Variants in DAB1 observed in about 807,000 individuals in gnomAD.
DAB1 encodes disabled homolog 1.
A neutral mutation model predicts 64.6 loss-of-function variants in DAB1; 15 were observed. The observed-to-expected ratio is 0.23, with a 90% CI of 0.16 to 0.36. DAB1 has a LOEUF of 0.36. Ranked by LOEUF, DAB1 falls within the 10% of genes least tolerant of loss-of-function variation. The pLI is 1.00. For synonymous variants in DAB1, 235 were observed against 251.9 expected (o/e 0.93, Z 0.64); for missense variants, 596 against 706.7 (o/e 0.84, Z 1.78).
chr1:57,424,333 ACGAGCGAGCGAGCGAGCGAG>A (rs548471057), upstream of DAB1, among the ~76,000 whole-genome samples: 1 of 144,904 alleles, frequency 6.9e-6, no homozygotes, highest in East Asian at 2.4e-4. Context: ...AGGTGGAAGA[ACGAGCGAGCGAGCGAGCGAG>A]CGAGCGGGGG....
intron 3 of DAB1, among the ~76,000 whole-genome samples, chr1:58,470,153 TTTATTTTTATTTTTAA>T: frequency 9.3e-6 from 1 of 107,666 alleles, no homozygotes; most frequent in Non-Finnish European, 2.0e-5. Flanking sequence ...TATTTATTTA[TTTATTTTTATTTTTAA>T]TTTTATTTAT....
intron 4 of DAB1, among the ~76,000 whole-genome samples, chr1:58,193,984 C>T (rs902845771): frequency 6.6e-6 from 1 of 152,140 alleles, no homozygotes; most frequent in Non-Finnish European, 1.5e-5. Flanking sequence ...CCAGCCACTA[C>T]AATAAATGAA....
intron 7 of DAB1, among the ~76,000 whole-genome samples, chr1:57,576,117 T>G (rs970852103): frequency 6.6e-6 from 1 of 152,206 alleles, no homozygotes; most frequent in African/African-American, 2.4e-5. Context: ...CATTTTAGAT[T>G]TTGATCTTTT....
intron 6 of DAB1, among the ~76,000 whole-genome samples, chr1:57,656,107 T>C (rs1646315638): frequency 6.6e-6 from 1 of 152,172 alleles, no homozygotes; most frequent in African/African-American, 2.4e-5. Flanking sequence ...TCTCTCACTC[T>C]TTTTCTGCTG....
rs1334707349 is a variant in DAB1 at position 58,128,517 on chromosome 1, G to A, written n.387+21994C>T. 1.2e-3 allele frequency among the ~76,000 whole-genome samples: 153 copies of A among 132,852 alleles called. 5 individuals are homozygous for A. The highest frequency in any genetic ancestry group is 2.2e-3 in the African/African-American group (75 of 33,580). The allele number at this position is 132,852 out of a possible 152,430, so 87.2% of individuals were successfully genotyped here. ...TGTTGAATAGGAGTGGTGAGAGAGG[G>A]CATCCCTGTCTTGTGCCAGTTTTCA... On this transcript the variant is annotated intron_variant and non_coding_transcript_variant, in intron 5 of 20. Coordinates refer to the DAB1 transcript ENST00000485760.
chr1:58,371,928 G>A (rs1037294113), intron 3 of DAB1, among the ~76,000 whole-genome samples: 1 of 152,240 alleles, frequency 6.6e-6, no homozygotes, highest in Non-Finnish European at 1.5e-5. Context: ...ATGCCAAAAT[G>A]TCCAGGCAGA....
intron 1 of DAB1, among the ~76,000 whole-genome samples, chr1:57,368,573 G>A (rs1680248080): frequency 6.6e-6 from 1 of 152,126 alleles, no homozygotes; most frequent in African/African-American, 2.4e-5. Flanking sequence ...CTCCAGAGAT[G>A]ATGGGACGAC....
At chr1:58,242,602 C>T (rs1397412014) in intron 4 of DAB1, among the ~76,000 whole-genome samples, 2 of 152,026 alleles carry the variant, frequency 1.3e-5, no homozygotes, top group Non-Finnish European at 2.9e-5. Context: ...TCATTTTATA[C>T]TTTTTCATTT....
At chr1:57,913,207 C>T (rs1306835476) in intron 5 of DAB1, among the ~76,000 whole-genome samples, 1 of 151,970 alleles carries the variant, frequency 6.6e-6, no homozygotes, top group African/African-American at 2.4e-5. Context: ...TACAAGGCTA[C>T]TGTAACCAAA....
intron 2 of DAB1, among the ~76,000 whole-genome samples, chr1:57,254,109 G>A (rs2100531107): frequency 6.6e-6 from 1 of 152,334 alleles, no homozygotes; most frequent in Admixed American, 6.5e-5. Context: ...CCATGCCACT[G>A]AAAGCAGTCC....
intron 5 of DAB1, among the ~76,000 whole-genome samples, chr1:58,033,630 G>A (rs780493563): frequency 2.6e-5 from 4 of 152,150 alleles, no homozygotes; most frequent in African/African-American, 9.7e-5. Context: ...TTCAAAGGTA[G>A]TGATACTATT....
intron 5 of DAB1, among the ~76,000 whole-genome samples, chr1:57,930,482 T>G (rs1231486887): frequency 6.6e-6 from 1 of 152,236 alleles, no homozygotes; most frequent in Non-Finnish European, 1.5e-5. Flanking sequence ...ATCTGACATC[T>G]TGACAGCATT....
Position 57,806,407 on chromosome 1 carries a change from A to T in DAB1, n.551+77592T>A, listed in dbSNP as rs150454362. 2.9e-3 allele frequency among the ~76,000 whole-genome samples: 439 copies of T among 152,344 alleles called. 2 individuals are homozygous for T. The highest frequency in any genetic ancestry group is 9.6e-3 in the African/African-American group (398 of 41,576). ...TTGTGAAAAGGGGGCATCTGGACACAGTGACATGCACACAAGGAAGCATGC... is the reference window on the plus strand; with the variant it reads ...TTGTGAAAAGGGGGCATCTGGACACTGTGACATGCACACAAGGAAGCATGC... On this transcript the variant is annotated intron_variant and non_coding_transcript_variant, in intron 6 of 20. Transcript: ENST00000485760.
At chr1:57,932,562 T>C (rs1003671508) in intron 5 of DAB1, among the ~76,000 whole-genome samples, 6 of 151,994 alleles carry the variant, frequency 3.9e-5, no homozygotes, top group Non-Finnish European at 7.4e-5. Context: ...AATAGTGGAT[T>C]CATCTATTTC....
At chr1:57,726,762 G>C (rs1157241869) in intron 6 of DAB1, among the ~76,000 whole-genome samples, 1 of 152,208 alleles carries the variant, frequency 6.6e-6, no homozygotes, top group African/African-American at 2.4e-5. Flanking sequence ...TGAGAATCAT[G>C]TAGCTCAAAA....
intron 2 of DAB1, among the ~76,000 whole-genome samples, chr1:57,270,924 T>C (rs1670944485): frequency 6.6e-6 from 1 of 152,160 alleles, no homozygotes; most frequent in Non-Finnish European, 1.5e-5. Context: ...TCATCTGTAA[T>C]GAGCAGGGAC....
At chr1:57,884,282 A>T (rs1644190222), upstream of DAB1, 1 of 152,232 alleles carries the variant, frequency 6.6e-6, no homozygotes, top group Non-Finnish European at 1.5e-5. Context: ...ATGATTTGAA[A>T]GTGTGCATGG....
intron 7 of DAB1, among the ~76,000 whole-genome samples, chr1:57,569,256 C>A (rs1341474022): frequency 3.8e-3 from 256 of 67,842 alleles, no homozygotes; most frequent in East Asian, 0.012. Flanking sequence ...GACTCCGTCT[C>A]AAAAAAAAAA....
intron 5 of DAB1, among the ~76,000 whole-genome samples, chr1:58,045,225 G>A (rs766493181): frequency 6.6e-6 from 1 of 152,192 alleles, no homozygotes; most frequent in East Asian, 1.9e-4. Flanking sequence ...AGGGCTGGCA[G>A]CGGGAAGCAC....
Sources: gnomAD v4.1 joint callset for allele counts (sites outside exome capture counted in the v4.1 genomes callset) on GRCh38, gnomAD v4.1.1 for gene constraint, MANE v1.5 for transcripts, NCBI Gene and HGNC (gene_info 2026-07-23, HGNC 2026-07-21) for gene names.